Variants in DNAAF9 observed in about 807,000 individuals in gnomAD.
The protein encoded by DNAAF9 is dynein axonemal assembly factor 9.
DNAAF9 carries 90 observed loss-of-function variants against 167.0 expected under a neutral mutation model. The ratio of observed to expected loss-of-function variants is 0.54; its 90% CI spans 0.45 to 0.64. The LOEUF (loss-of-function observed/expected upper bound fraction) is 0.64, where lower values mean the gene tolerates loss of function less well. DNAAF9 is among the 30% of genes least tolerant of loss of function. The pLI is 0.00. For missense variants in DNAAF9, 1,315 were observed against 1,442.2 expected, an observed-to-expected ratio of 0.91 and a Z score of 1.43; for synonymous variants, 491 against 508.8, an observed-to-expected ratio of 0.96 and a Z score of 0.47.
At chr20:3,330,208 A>G (rs145968275) in intron 12 of DNAAF9, among the ~76,000 whole-genome samples, 1 of 152,346 alleles carries the variant, frequency 6.6e-6, no homozygotes, top group East Asian at 1.9e-4. Flanking sequence ...AAACTTGGGA[A>G]ACAACACAGT....
intron 33 of DNAAF9, 38 bp from the exon 34 acceptor site, chr20:3,256,249 C>T (rs2068278721): frequency 1.4e-6 from 2 of 1,420,736 alleles, no homozygotes; most frequent in African/African-American, 2.8e-5. Flanking sequence ...GAGAGCCTGC[C>T]TTGAAAGGAT....
intron 1 of DNAAF9, among the ~76,000 whole-genome samples, chr20:3,389,664 G>A (rs2083798910): frequency 6.6e-6 from 1 of 151,924 alleles, no homozygotes; most frequent in South Asian, 2.1e-4. Flanking sequence ...AAACAACAGA[G>A]AGGGAAAATT....
intron 29 of DNAAF9, among the ~76,000 whole-genome samples, chr20:3,275,421 C>A (rs1055859254): frequency 6.6e-6 from 1 of 152,184 alleles, no homozygotes; most frequent in African/African-American, 2.4e-5. Flanking sequence ...ACAGGCCTGG[C>A]CTGCCCAAGA....
At chr20:3,380,521 A>T (rs1417363058) in intron 3 of DNAAF9, among the ~76,000 whole-genome samples, 1 of 152,168 alleles carries the variant, frequency 6.6e-6, no homozygotes, top group Admixed American at 6.5e-5. Context: ...GCCTCTATCC[A>T]CTAGATGCCA....
intron 1 of DNAAF9, among the ~76,000 whole-genome samples, chr20:3,394,817 A>C (rs1422737782): frequency 2.0e-5 from 3 of 152,210 alleles, no homozygotes; most frequent in Non-Finnish European, 2.9e-5. Flanking sequence ...TTAAAAAAAT[A>C]ATCAGAGCTT....
At chr20:3,404,374 C>T (rs181850000) in intron 1 of DNAAF9, among the ~76,000 whole-genome samples, 3 of 152,000 alleles carry the variant, frequency 2.0e-5, no homozygotes, top group Non-Finnish European at 2.9e-5. Context: ...CAATCTCATT[C>T]GGCTTTCAAT....
intron 14 of DNAAF9, among the ~76,000 whole-genome samples, chr20:3,323,102 T>A (rs1012573298): frequency 6.6e-6 from 1 of 150,718 alleles, no homozygotes; most frequent in East Asian, 2.0e-4. Context: ...GAGAAATAAC[T>A]AGAAAACCCT....
At chr20:3,262,343 C>T (rs140323065) in intron 31 of DNAAF9, among the ~76,000 whole-genome samples, 11,909 of 151,498 alleles carry the variant, frequency 0.079, 687 homozygotes, top group Non-Finnish European at 0.12. Flanking sequence ...CTTCGCCTCC[C>T]GGGTTCACGC....
At chr20:3,339,896 TAAAC>T (rs1013227741) in intron 10 of DNAAF9, among the ~76,000 whole-genome samples, 4 of 152,042 alleles carry the variant, frequency 2.6e-5, no homozygotes, top group East Asian at 3.9e-4. Context: ...TCTCAAAAAA[TAAAC>T]AAACAAACAA....
chr20:3,343,806 T>C, intron 8 of DNAAF9, 75 bp from the exon 9 acceptor site: 1 of 1,075,724 alleles, frequency 9.3e-7, no homozygotes, highest in Non-Finnish European at 1.4e-6. Context: ...CACATATGTA[T>C]GTATGTACAC....
chr20:3,334,597 G>C (rs183134810), intron 10 of DNAAF9, among the ~76,000 whole-genome samples: 530 of 152,294 alleles, frequency 3.5e-3, no homozygotes, highest in Non-Finnish European at 4.1e-3. Flanking sequence ...CTTATGGTAA[G>C]GCTATATTTA....
At chr20:3,260,515 T>G (rs2068365154) in intron 31 of DNAAF9, among the ~76,000 whole-genome samples, 1 of 152,208 alleles carries the variant, frequency 6.6e-6, no homozygotes, top group African/African-American at 2.4e-5. Context: ...AACCTTAGAC[T>G]AGCAGTTCCT....
intron 14 of DNAAF9, among the ~76,000 whole-genome samples, chr20:3,324,305 C>G (rs1192447196): frequency 6.6e-6 from 1 of 152,176 alleles, no homozygotes; most frequent in Non-Finnish European, 1.5e-5. Context: ...GTATTGGTGT[C>G]TTTTGTATCC....
At chr20:3,321,599 C>T (rs968341759) in intron 16 of DNAAF9, among the ~76,000 whole-genome samples, 2 of 152,170 alleles carry the variant, frequency 1.3e-5, no homozygotes, top group African/African-American at 4.8e-5. Context: ...GACTAAATCT[C>T]ACTCTGTCAT....
chr20:3,335,108 A>G (rs986658475), intron 10 of DNAAF9, among the ~76,000 whole-genome samples: 1 of 152,012 alleles, frequency 6.6e-6, no homozygotes, highest in East Asian at 1.9e-4. Flanking sequence ...TTTTATTTTT[A>G]TTTTTTTGGC....
In DNAAF9 at chr20:3,253,690, G is replaced by A. The variant is rs756565188; in HGVS notation, c.3421+36C>T. ...TCACACACTCCCAGCCTCACTGCCC[G>A]GGTTCCACACAGGGACCACGCTGTT... On this transcript the variant is annotated intron_variant, in intron 36 of 36. Transcript: ENST00000252032. 13 of 1,270,962 alleles carry A rather than the reference G, an allele frequency of 1.0e-5. 1 individual carries two copies. Among genetic ancestry groups the A allele is most frequent in the Admixed American group, 3.4e-5 (2 of 59,356 alleles). The allele number at this position is 1,270,962 out of a possible 1,614,324, so 78.7% of individuals were successfully genotyped here.
Position 3,290,177 on chromosome 20 carries a change from G to A in DNAAF9, c.2279C>T (p.Ala760Val), listed in dbSNP as rs369386571. 1 of 1,613,138 alleles carries A rather than the reference G, an allele frequency of 6.2e-7. No homozygotes were observed. The highest frequency in any genetic ancestry group is 8.5e-7 in the Non-Finnish European group (1 of 1,179,162). Residue 760 changes from alanine (A) to valine (V), a missense_variant, in exon 26 of 37, where the codon GCT (alanine) becomes GTT (valine). Ala to Val is a moderately conservative substitution (Grantham distance 64, BLOSUM62 0). Transcript: ENST00000252032. ...GACCAGAAAAGCACAGAGCTCGCTA[G>A]CGTGACAGCCTGGGAGGCCGGTTAC... Reference protein sequence around the residue: ...SIVTGLPGCHASELCAFLVTL... With the variant: ...SIVTGLPGCHVSELCAFLVTL...
chr20:3,260,608 C>G (rs1411382469), intron 31 of DNAAF9, among the ~76,000 whole-genome samples: 2 of 151,708 alleles, frequency 1.3e-5, no homozygotes, highest in Non-Finnish European at 2.9e-5. Context: ...GTGGGGGGCT[C>G]TTGCTCAGGA....
At position 3,330,613 on chromosome 20, in the gene DNAAF9, T is replaced by C. The variant is rs565084062; in HGVS notation, c.1100+33A>G. On this transcript the variant is annotated intron_variant, in intron 12 of 36. Coordinates refer to ENST00000252032, the MANE Select transcript of DNAAF9 (RefSeq NM_001009984.3). ...ACAGTCACAACTGAGTAACTCAACT[T>C]TGAGAAAGAAAAAATAAAATATGAA... 12 of 1,426,884 alleles carry C rather than the reference T, an allele frequency of 8.4e-6. No individual in the cohort carries two copies. The South Asian group carries it at 1.2e-4, about 14-fold the overall frequency. 88.4% of individuals were successfully genotyped at this position (1,426,884 alleles called of 1,614,324 possible). A position where few individuals can be genotyped will look rare whatever the true frequency, so the allele number is the denominator to read the frequency against.
Sources: allele counts gnomAD v4.1 joint callset (sites outside exome capture counted in the v4.1 genomes callset), GRCh38; gene constraint gnomAD v4.1.1; transcripts MANE v1.5; gene names NCBI Gene and HGNC (gene_info 2026-07-23, HGNC 2026-07-21).